Variants in OPN5 observed in about 807,000 individuals in gnomAD.
OPN5 encodes opsin-5.
Under a neutral mutation model 41.7 loss-of-function variants are expected in OPN5, and 18 were observed. That is an observed-to-expected ratio of 0.43 (90% CI 0.30 to 0.64). OPN5 has a LOEUF of 0.64. Ranked by LOEUF, OPN5 falls within the 30% of genes least tolerant of loss-of-function variation. OPN5 has a pLI of 0.13. For missense variants in OPN5, 318 were observed against 434.5 expected (o/e 0.73, Z 2.38); for synonymous variants, 178 against 164.3 (o/e 1.08, Z -0.64).
At chr6:47,801,976 T>C (rs905902844) in intron 4 of OPN5, among the ~76,000 whole-genome samples, 3 of 152,230 alleles carry the variant, frequency 2.0e-5, no homozygotes, top group Non-Finnish European at 2.9e-5. Flanking sequence ...CACTAGCTCC[T>C]TGAGAGGTGT....
At chr6:47,811,962 C>G (rs939362253) in intron 6 of OPN5, 1 of 331,904 alleles carries the variant, frequency 3.0e-6, no homozygotes, top group African/African-American at 2.1e-5. Context: ...CTGGAACTTT[C>G]TTTTCTCGTA....
At chr6:47,797,966 G>T (rs1413274037) in intron 4 of OPN5, among the ~76,000 whole-genome samples, 1 of 152,074 alleles carries the variant, frequency 6.6e-6, no homozygotes, top group Non-Finnish European at 1.5e-5. Flanking sequence ...ATGAGGTACA[G>T]CTCAGCATAT....
At chr6:47,798,299 A>G (rs1773642329) in intron 4 of OPN5, among the ~76,000 whole-genome samples, 1 of 151,958 alleles carries the variant, frequency 6.6e-6, no homozygotes, top group South Asian at 2.1e-4. Context: ...AACCTAGTCA[A>G]TGTTTAGACC....
chr6:47,822,372 CT>C lies in OPN5; in HGVS notation c.1057-1608del, dbSNP rs1221438681. On this transcript the variant is annotated intron_variant, in intron 6 of 6. Transcript: ENST00000371211. ...TGGCTAGCAGGAAGAAAGGAAATGC[CT>C]TTCCTTATTGAAAAAAATATGACTT... Among the ~76,000 whole-genome samples the C allele has an allele frequency of 2.6e-5, 4 of 152,170 alleles. No individual in the cohort carries two copies. The South Asian group carries it at 8.3e-4, about 32-fold the overall frequency.
At chr6:47,803,252 G>A (rs188741409) in intron 4 of OPN5, among the ~76,000 whole-genome samples, 12 of 152,292 alleles carry the variant, frequency 7.9e-5, no homozygotes, top group African/African-American at 2.4e-4. Flanking sequence ...AAAGAAGGTA[G>A]GTCACAGTTG....
exon 1 of OPN5, chr6:47,782,112 C>T: frequency 1.2e-6 from 2 of 1,613,584 alleles, no homozygotes; most frequent in Non-Finnish European, 8.5e-7. Context: ...GCGCCTGCCC[C>T]ATTACCTTCG....
At chr6:47,799,713 C>T (rs1032119543) in intron 4 of OPN5, among the ~76,000 whole-genome samples, 22 of 152,220 alleles carry the variant, frequency 1.4e-4, no homozygotes, top group African/African-American at 3.6e-4. Flanking sequence ...GTTGTTCTTC[C>T]ACCCTGACCC....
chr6:47,819,990 C>A (rs970581999), intron 6 of OPN5, among the ~76,000 whole-genome samples: 1 of 152,126 alleles, frequency 6.6e-6, no homozygotes. Flanking sequence ...ATACTACAGC[C>A]CTCTGGCCAA....
At chr6:47,799,934 T>C (rs1439343369) in intron 4 of OPN5, among the ~76,000 whole-genome samples, 1 of 150,908 alleles carries the variant, frequency 6.6e-6, no homozygotes, top group Non-Finnish European at 1.5e-5. Flanking sequence ...TAATTGTGGA[T>C]ATTCAAAGTC....
intron 6 of OPN5, among the ~76,000 whole-genome samples, chr6:47,812,250 G>A (rs1220951680): frequency 1.3e-5 from 2 of 151,998 alleles, no homozygotes; most frequent in Non-Finnish European, 2.9e-5. Flanking sequence ...GAGTCCTCTG[G>A]GGAAATCAGT....
chr6:47,795,967 T>C (rs1773557967), intron 4 of OPN5, among the ~76,000 whole-genome samples: 1 of 152,226 alleles, frequency 6.6e-6, no homozygotes, highest in African/African-American at 2.4e-5. Flanking sequence ...TTGCATGGAC[T>C]TTGGGACATC....
chr6:47,782,090 G>A (rs748255575), exon 1 of OPN5: 1 of 1,613,674 alleles, frequency 6.2e-7, no homozygotes, highest in Admixed American at 1.7e-5. Context: ...ACACTGCCCT[G>A]CCTCAGGACG....
At chr6:47,823,632 C>G (rs1237639042) in intron 6 of OPN5, 2 of 377,666 alleles carry the variant, frequency 5.3e-6, no homozygotes, top group Non-Finnish European at 9.6e-6. Context: ...GGGAGAAGAT[C>G]CTGCAAGGCC....
At chr6:47,819,379 A>AATATATATATATATATATATATATATAT (rs544310153) in intron 6 of OPN5, among the ~76,000 whole-genome samples, 17 of 97,406 alleles carry the variant, frequency 1.7e-4, no homozygotes, top group African/African-American at 5.6e-4. Context: ...TATAAGTAGA[A>AATATATATATATATATATATATATATAT]ATATATATAT....
chr6:47,784,810 T>G (rs1198620476), intron 1 of OPN5, among the ~76,000 whole-genome samples: 5 of 152,234 alleles, frequency 3.3e-5, no homozygotes, highest in Non-Finnish European at 5.9e-5. Flanking sequence ...AGTTAATATA[T>G]ATGATATTTT....
intron 6 of OPN5, among the ~76,000 whole-genome samples, chr6:47,815,252 T>C (rs2114001667): frequency 6.6e-6 from 1 of 152,312 alleles, no homozygotes; most frequent in South Asian, 2.1e-4. Context: ...ATTATGCTTA[T>C]TTAGAACTGA....
exon 7 of OPN5, chr6:47,824,213 T>C: frequency 1.7e-6 from 1 of 572,428 alleles, no homozygotes; most frequent in Non-Finnish European, 3.1e-6. Context: ...GGCAGAGTTA[T>C]AACTAAAGAG....
intron 2 of OPN5, among the ~76,000 whole-genome samples, 160 bp from the exon 3 acceptor site, chr6:47,791,642 T>A (rs888915401): frequency 2.0e-5 from 3 of 152,248 alleles, no homozygotes; most frequent in African/African-American, 7.2e-5. Context: ...CATAGATAAC[T>A]GCTGGGCTTT....
downstream of OPN5, chr6:47,826,245 T>G (rs1350614178): frequency 6.6e-6 from 1 of 152,126 alleles, no homozygotes; most frequent in Non-Finnish European, 1.5e-5. Flanking sequence ...CCCATTATTT[T>G]GAGACGAATG....
Sources: allele counts gnomAD v4.1 joint callset (sites outside exome capture counted in the v4.1 genomes callset), GRCh38; gene constraint gnomAD v4.1.1; transcripts MANE v1.5; gene names NCBI Gene and HGNC (gene_info 2026-07-23, HGNC 2026-07-21).